The following RIN1 variants were observed in gnomAD, a reference collection of about 807,000 sequenced individuals.
RIN1 encodes the protein ras inhibitor 1.
Under a neutral mutation model 64.9 loss-of-function variants are expected in RIN1, and 52 were observed. That is an observed-to-expected ratio of 0.80 (90% CI 0.64 to 1.01). RIN1 has a LOEUF of 1.01. Among genes scored for constraint, RIN1 ranks in the 50% least tolerant of loss-of-function variants. The pLI is 0.00. For synonymous variants in RIN1, 486 were observed against 483.6 expected (o/e 1.00, Z -0.06); for missense variants, 1,040 against 1,064.5 (o/e 0.98, Z 0.32).
In RIN1 at chr11:66,335,597, C is replaced by T. The variant is rs370189786; in HGVS notation, c.455+13G>A. 7 of 1,613,210 alleles carry T rather than the reference C, an allele frequency of 4.3e-6. No homozygotes were observed. Among genetic ancestry groups the T allele is most frequent in the African/African-American group, 2.7e-5 (2 of 74,880 alleles). ...GGGCCCGTGGACACCAGGCACCCTG[C>T]GGGCAGACTCACCGGGTGTGGCAGT... On this transcript the variant is annotated intron_variant, in intron 4 of 9. Coordinates refer to ENST00000311320, the MANE Select transcript of RIN1 (RefSeq NM_004292.3).
chr11:66,333,080 G>A, intron 9 of RIN1, 178 bp downstream of exon 9: 1 of 712,314 alleles, frequency 1.4e-6, no homozygotes. Flanking sequence ...CCATTTTACT[G>A]ATGAGAAAAC....
rs749622372 is a variant in RIN1 at position 66,334,056 on chromosome 11, C to A, written c.1454G>T (p.Ser485Ile). 2.6e-5 allele frequency: 41 copies of A among 1,573,640 alleles called. No individual in the cohort carries two copies. Among genetic ancestry groups the A allele is most frequent in the African/African-American group, 5.4e-5 (4 of 74,514 alleles). ...CTCCAACTCTACTGGGGAGGGCAGG[C>A]TCAGGTGGGACCCGAAGGCTCCGGG... Reference protein sequence around the residue: ...QGPGAFGSHLSLPSPVELEQV... With the variant: ...QGPGAFGSHLILPSPVELEQV... The change falls in exon 7 of 10, where the codon AGC becomes ATC. Residue 485 changes from serine (S) to isoleucine (I), a missense_variant. By Grantham distance (142) the Ser-to-Ile change is moderately radical. Transcript: ENST00000311320.
At position 66,332,501 on chromosome 11, in the gene RIN1, G is replaced by A; in HGVS notation, c.2127C>T (p.Thr709=). ...CCTCCTCCTCTGTCACAGCCCCCTG[G>A]GTCTCAGGCCACTCCGCCCGGCGGT... The part of the protein sequence containing the change: ...LVYRRAEWPE[T]QGAVTEEEGS... Residue 709 remains threonine (T), a synonymous_variant, in exon 10 of 10, where the codon ACC becomes ACT. Coordinates refer to ENST00000311320, the MANE Select transcript of RIN1 (RefSeq NM_004292.3). 1 of 1,614,030 alleles carries A rather than the reference G, an allele frequency of 6.2e-7. No individual in the cohort carries two copies. The highest frequency in any genetic ancestry group is 8.5e-7 in the Non-Finnish European group (1 of 1,179,938).
rs781356741 is a variant in RIN1, at chr11:66,336,371, G to A, written c.32C>T (p.Ser11Phe). The change falls in exon 1 of 10, where the codon TCT becomes TTT. Residue 11 changes from serine to phenylalanine, a missense_variant. By Grantham distance (155) the Ser-to-Phe change is radical. Coordinates refer to ENST00000311320, the MANE Select transcript of RIN1 (RefSeq NM_004292.3). ...GCTGGACGGGCTGGGGGCTCCAGGA[G>A]AGCCCGCGCCTGACTCTCCAGGGCT... The part of the protein sequence containing the change: MESPGESGAG[S>F]PGAPSPSSFT... 9 of 1,613,546 alleles carry A rather than the reference G, an allele frequency of 5.6e-6. No homozygotes were observed. Among genetic ancestry groups the A allele is most frequent in the African/African-American group, 5.3e-5 (4 of 74,942 alleles).
Position 66,334,911 on chromosome 11 carries a change from G to A in RIN1, c.888C>T (p.Arg296=), listed in dbSNP as rs764041983. The A allele has an allele frequency of 8.8e-6, 14 of 1,582,082 alleles. No individual in the cohort carries two copies. Among genetic ancestry groups the A allele is most frequent in the Admixed American group, 3.6e-5 (2 of 55,912 alleles). ...LLRRESSVGY[R]VPAGSGPSLP... is the part of the protein sequence containing the mutation. ...GGCTAGGGCCACTGCCTGCTGGCAC[G>A]CGGTACCCCACTGAGCTCTCCCTCC... The change falls in exon 6 of 10, where the codon CGC becomes CGT. Residue 296 remains arginine (R), a synonymous_variant. Coordinates refer to ENST00000311320, the MANE Select transcript of RIN1 (RefSeq NM_004292.3).
Position 66,336,022 on chromosome 11 carries a change from T to G in RIN1, c.223A>C (p.Asn75His). 6.8e-7 allele frequency: 1 copy of G among 1,467,414 alleles called. No homozygotes were observed. Among genetic ancestry groups the G allele is most frequent in the Non-Finnish European group, 9.0e-7 (1 of 1,108,124 alleles). 90.9% of individuals were successfully genotyped at this position (1,467,414 alleles called of 1,614,324 possible). The change falls in exon 2 of 10, where the codon AAC (asparagine) becomes CAC (histidine). Residue 75 changes from asparagine to histidine, a missense_variant. By Grantham distance (68) the Asn-to-His change is moderately conservative (BLOSUM62 1). Transcript: ENST00000311320. Reference protein sequence around the residue: ...TRPVWLQLQANAAAALHMLRT... With the variant: ...TRPVWLQLQAHAAAALHMLRT... ...AGCATGTGCAGTGCGGCCGCTGCGT[T>G]GGCTTGCAGCTGCAGCCACACGGGC...
rs1199325307 is a variant in RIN1 at position 66,336,394 on chromosome 11, G to C, written c.9C>G (p.Ser3Arg). 6.2e-7 allele frequency: 1 copy of C among 1,612,708 alleles called. No homozygotes were observed. The highest frequency in any genetic ancestry group is 2.2e-5 in the East Asian group (1 of 44,846). ...GAGAGCCCGCGCCTGACTCTCCAGG[G>C]CTTTCCATGGCTGGGAGCTCCTTCG... Reference protein sequence around the residue: MESPGESGAGSPG... With the variant: MERPGESGAGSPG... Residue 3 changes from serine to arginine, a missense_variant, in exon 1 of 10, where the codon AGC becomes AGG. Physicochemically the swap from Ser to Arg is moderately radical, Grantham distance 110. Coordinates refer to ENST00000311320, the MANE Select transcript of RIN1 (RefSeq NM_004292.3).
chr11:66,334,900 C>A lies in RIN1; in HGVS notation c.899G>T (p.Gly300Val), dbSNP rs768340664. 1.1e-5 allele frequency: 17 copies of A among 1,577,362 alleles called. No homozygotes were observed. Among genetic ancestry groups the A allele is most frequent in the Non-Finnish European group, 1.5e-5 (17 of 1,161,352 alleles). ...ESSVGYRVPAGSGPSLPPMPS... is the reference protein window; with the variant it reads ...ESSVGYRVPAVSGPSLPPMPS... Reference sequence around the variant, plus strand: ...CATAGGCGGAAGGCTAGGGCCACTGCCTGCTGGCACGCGGTACCCCACTGA... The same window carrying A: ...CATAGGCGGAAGGCTAGGGCCACTGACTGCTGGCACGCGGTACCCCACTGA... The change falls in exon 6 of 10, where the codon GGC becomes GTC. Residue 300 changes from glycine (G) to valine (V), a missense_variant. By Grantham distance (109) the Gly-to-Val change is moderately radical (BLOSUM62 -3). Transcript: ENST00000311320.
In RIN1 at chr11:66,332,243, C is replaced by G; in HGVS notation, c.*33G>C. ...GGATTTCTCAGCAGGCTCAGGGTCT[C>G]CCGCCCCGAATGACCCTTCTGGCCA... is the stretch of plus-strand genomic sequence containing the variant. On this transcript the variant is annotated 3_prime_UTR_variant, in exon 10 of 10. Transcript: ENST00000311320. 3.1e-6 allele frequency: 5 copies of G among 1,595,368 alleles called. No individual in the cohort carries two copies. The highest frequency in any genetic ancestry group is 4.3e-6 in the Non-Finnish European group (5 of 1,164,534).
At chr11:66,335,585 C>T (rs745472423) in intron 4 of RIN1, 25 bp downstream of exon 4, 1 of 1,613,342 alleles carries the variant, frequency 6.2e-7, no homozygotes, top group Admixed American at 1.7e-5. Context: ...CCCGTGGACA[C>T]CAGGCACCCT....
At position 66,334,971 on chromosome 11, in the gene RIN1, G is replaced by C. The variant is rs746199949; in HGVS notation, c.828C>G (p.Ser276Arg). 1.9e-6 allele frequency: 3 copies of C among 1,573,972 alleles called. No individual in the cohort carries two copies. In the East Asian group the frequency reaches 6.7e-5, roughly 35 times the overall value. ...PVPVLPGAVP[S>R]QTERLPPCQL... ...GGCAAGGGGGCAGCCGCTCTGTCTG[G>C]CTGGGGACTGCCCCTGGCAGCACGG... Residue 276 changes from serine (S) to arginine (R), a missense_variant, in exon 6 of 10, where the codon AGC becomes AGG. By Grantham distance (110) the Ser-to-Arg change is moderately radical (BLOSUM62 -1). Transcript: ENST00000311320.
rs1565200478 is a variant in RIN1 at position 66,334,086 on chromosome 11, TG to T, written c.1423del (p.Gln475ArgfsTer10). 1.3e-6 allele frequency: 2 copies of T among 1,564,406 alleles called. No homozygotes were observed. Among genetic ancestry groups the T allele is most frequent in the Admixed American group, 1.9e-5 (1 of 51,860 alleles). On this transcript the variant is annotated frameshift_variant, in exon 7 of 10. Transcript: ENST00000311320. LOFTEE classifies it high-confidence loss of function. ...LAEGLRLARAQGPGAFGSHLS... is the reference protein window; with the variant it reads ...LAEGLRLARAXGPGAFGSHLS... Reference sequence around the variant, plus strand: ...GTGGGACCCGAAGGCTCCGGGGCCCTGGGCCCGGGCCAGGCGGAGGCCCTCA... The same window carrying T: ...GTGGGACCCGAAGGCTCCGGGGCCCTGGCCCGGGCCAGGCGGAGGCCCTCA...
chr11:66,334,248 CAG>C, intron 6 of RIN1, 24 bp from the exon 7 acceptor site: 2 of 1,244,140 alleles, frequency 1.6e-6, no homozygotes, highest in Non-Finnish European at 2.0e-6. Flanking sequence ...AGGGAGGGGT[CAG>C]GGGAAGACTG....
In RIN1 at chr11:66,334,841, TG is replaced by T; in HGVS notation, c.957del (p.Ser320AlafsTer31). On this transcript the variant is annotated frameshift_variant, in exon 6 of 10. Coordinates refer to ENST00000311320, the MANE Select transcript of RIN1 (RefSeq NM_004292.3). LOFTEE classifies it high-confidence loss of function. ...GGCACCCCCTCCTCCTCGGAGCTGC[TG>T]GGGGAGCCGCAGTCCACCTCTTGGA... is the stretch of plus-strand genomic sequence containing the variant. ...PSLQEVDCGS[P>X]SSSEEEGVPG... 1 of 1,551,062 alleles carries T rather than the reference TG, an allele frequency of 6.4e-7. No homozygotes were observed.
In RIN1 at chr11:66,334,824, C is replaced by T. The variant is rs756109750; in HGVS notation, c.975G>A (p.Glu325=). ...DCGSPSSSEE[E]GVPGSRGSPA... Reference sequence around the variant, plus strand: ...GGCTCCCCCGGGACCCTGGCACCCCCTCCTCCTCGGAGCTGCTGGGGGAGC... The same window carrying T: ...GGCTCCCCCGGGACCCTGGCACCCCTTCCTCCTCGGAGCTGCTGGGGGAGC... The change falls in exon 6 of 10, where the codon GAG becomes GAA. Residue 325 remains glutamate (E), a synonymous_variant. Coordinates refer to ENST00000311320, the MANE Select transcript of RIN1 (RefSeq NM_004292.3). 3.2e-5 allele frequency: 50 copies of T among 1,546,746 alleles called. No individual in the cohort carries two copies. In the South Asian group the frequency reaches 5.7e-4, roughly 18 times the overall value.
In RIN1 at chr11:66,334,033, C is replaced by T. The variant is rs1281313164; in HGVS notation, c.1477G>A (p.Glu493Lys). ...HLSLPSPVEL[E>K]QVRQKLLQLL... ...TGCAGCAGCTTCTGGCGCACTTGCT[C>T]CAACTCTACTGGGGAGGGCAGGCTC... Residue 493 changes from glutamate (E) to lysine (K), a missense_variant, in exon 7 of 10, where the codon GAG becomes AAG. Physicochemically the swap from Glu to Lys is moderately conservative, Grantham distance 56. Transcript: ENST00000311320. 2 of 1,574,378 alleles carry T rather than the reference C, an allele frequency of 1.3e-6. No individual in the cohort carries two copies. Among genetic ancestry groups the T allele is most frequent in the Non-Finnish European group, 8.6e-7 (1 of 1,161,102 alleles).
chr11:66,333,125 C>T, intron 9 of RIN1, 133 bp downstream of exon 9: 1 of 1,127,236 alleles, frequency 8.9e-7, no homozygotes, highest in Non-Finnish European at 1.3e-6. Context: ...TCGCCCAAGT[C>T]CCCACAACCC....
Position 66,335,984 on chromosome 11 carries a change from G to A in RIN1, c.261C>T (p.Pro87=). 6.8e-7 allele frequency: 1 copy of A among 1,476,494 alleles called. No individual in the cohort carries two copies. Among genetic ancestry groups the A allele is most frequent in the Non-Finnish European group, 9.0e-7 (1 of 1,112,998 alleles). 91.5% of individuals were successfully genotyped at this position (1,476,494 alleles called of 1,614,324 possible). A position where few individuals can be genotyped will look rare whatever the true frequency, so the allele number is the denominator to read the frequency against. The part of the protein sequence containing the change: ...AAALHMLRTE[P]PGTFLVRKSN... Reference sequence around the variant, plus strand: ...AGTGTGGGGCAAGACTCACCCCCGGGGGCTCGGTCCTCAGCATGTGCAGTG... The same window carrying A: ...AGTGTGGGGCAAGACTCACCCCCGGAGGCTCGGTCCTCAGCATGTGCAGTG... Residue 87 remains proline (P), a synonymous_variant, in exon 2 of 10, where the codon CCC becomes CCT. Transcript: ENST00000311320.
At position 66,335,268 on chromosome 11, in the gene RIN1, C is replaced by G. The variant is rs146525390; in HGVS notation, c.548-17G>C. ...TCCAGAACTCTAGGGAACAAGAAAC[C>G]GACTGGGGCCTCCGGGACTGGTTAG... On this transcript the variant is annotated splice_polypyrimidine_tract_variant and intron_variant, in intron 5 of 9. Coordinates refer to ENST00000311320, the MANE Select transcript of RIN1 (RefSeq NM_004292.3). The G allele has an allele frequency of 1.3e-6, 2 of 1,566,778 alleles. No individual in the cohort carries two copies. Among genetic ancestry groups the G allele is most frequent in the African/African-American group, 1.4e-5 (1 of 72,394 alleles).
Sources: gnomAD v4.1 joint callset for allele counts on GRCh38, gnomAD v4.1.1 for gene constraint, MANE v1.5 for transcripts, NCBI Gene and HGNC (gene_info 2026-07-23, HGNC 2026-07-21) for gene names.